The following UNC79 variants were observed in gnomAD, a reference collection of about 807,000 sequenced individuals.
UNC79 encodes unc-79 subunit of NALCN channel complex.
In UNC79, 37 loss-of-function variants were observed where a neutral mutation model predicts 283.1. That is an observed-to-expected ratio of 0.13 (90% CI 0.10 to 0.17). The LOEUF (loss-of-function observed/expected upper bound fraction) is 0.17. Among genes scored for constraint, UNC79 ranks in the 10% least tolerant of loss-of-function variants. The pLI, the probability that UNC79 is intolerant of heterozygous loss-of-function variation, is 1.00. For missense variants in UNC79, 2,272 were observed against 3,211.1 expected, an observed-to-expected ratio of 0.71 and a Z score of 7.07; for synonymous variants, 1,107 against 1,200.2, an observed-to-expected ratio of 0.92 and a Z score of 1.61.
rs2057883751 is a variant in UNC79 at position 93,477,742 on chromosome 14, T to A, written c.619+14T>A. ...CAATGGCTATATGTAAGTCCAATCT[T>A]ACCTAATACTAGATTATTTTTATGT... On this transcript the variant is annotated intron_variant, in intron 4 of 48. Coordinates refer to ENST00000555664, the Ensembl canonical transcript of UNC79. 1.9e-6 allele frequency: 3 copies of A among 1,599,444 alleles called. No individual in the cohort carries two copies. The East Asian group carries it at 6.7e-5, about 36-fold the overall frequency.
intron 7 of UNC79, among the ~76,000 whole-genome samples, chr14:93,506,491 T>C (rs1423707705): frequency 6.6e-6 from 1 of 152,216 alleles, no homozygotes; most frequent in East Asian, 1.9e-4. Flanking sequence ...TTCATGATTT[T>C]CTCATTTTCA....
At chr14:93,592,444 G>T (rs1210155403) in intron 22 of UNC79, among the ~76,000 whole-genome samples, 2 of 152,024 alleles carry the variant, frequency 1.3e-5, no homozygotes, top group African/African-American at 2.4e-5. Flanking sequence ...AAAGTGCTGG[G>T]ATTACAGGCG....
At chr14:93,451,239 T>G (rs2056631176) in intron 1 of UNC79, among the ~76,000 whole-genome samples, 1 of 152,156 alleles carries the variant, frequency 6.6e-6, no homozygotes, top group Non-Finnish European at 1.5e-5. Flanking sequence ...TCCTTCCCTG[T>G]CTACTCATAA....
intron 30 of UNC79, among the ~76,000 whole-genome samples, chr14:93,625,943 G>A (rs2067538518): frequency 6.6e-6 from 1 of 152,118 alleles, no homozygotes; most frequent in Non-Finnish European, 1.5e-5. Context: ...TGAAAACATA[G>A]ATCCAGGATT....
intron 5 of UNC79, among the ~76,000 whole-genome samples, chr14:93,495,485 G>A (rs951486549): frequency 6.6e-6 from 1 of 152,140 alleles, no homozygotes; most frequent in African/African-American, 2.4e-5. Context: ...ATGAGATTTG[G>A]GTGGGGACAC....
At chr14:93,361,211 C>CAAAAAAAAAAAAA (rs58267219) in intron 1 of UNC79, among the ~76,000 whole-genome samples, 2 of 54,378 alleles carry the variant, frequency 3.7e-5, no homozygotes, top group Non-Finnish European at 6.3e-5. Flanking sequence ...GACTCTGTCT[C>CAAAAAAAAAAAAA]AAAAAAAAAA....
chr14:93,617,281 G>T lies in UNC79; in HGVS notation c.4201G>T (p.Ala1401Ser), dbSNP rs763664250. ...TCACATCCGGCAGATGTGGTTGAAG[G>T]CCTTGCTTGTCATCCTTTACAAGGT... Residue 1401 changes from alanine (A) to serine (S), a missense_variant, in exon 28 of 49, where the codon GCC becomes TCC. Physicochemically the swap from Ala to Ser is moderately conservative, Grantham distance 99. Transcript: ENST00000555664. The surrounding 1 kb of genome is among the most constrained non-coding windows in gnomAD (Gnocchi z 4.5). 2.5e-6 allele frequency: 4 copies of T among 1,614,030 alleles called. No homozygotes were observed. In the South Asian group the frequency reaches 3.3e-5, roughly 13 times the overall value.
chr14:93,675,187 C>T (rs2073230164), intron 41 of UNC79, among the ~76,000 whole-genome samples: 1 of 152,334 alleles, frequency 6.6e-6, no homozygotes, highest in East Asian at 1.9e-4. Context: ...TTACTGACCA[C>T]CTATCTTGGG....
chr14:93,479,777 C>T (rs988151441), intron 4 of UNC79, among the ~76,000 whole-genome samples: 9 of 152,056 alleles, frequency 5.9e-5, no homozygotes, highest in African/African-American at 9.7e-5. Flanking sequence ...GTGTGAAGGC[C>T]TCTACCACCA....
intron 1 of UNC79, among the ~76,000 whole-genome samples, chr14:93,346,497 A>C (rs1416261390): frequency 6.6e-6 from 1 of 152,152 alleles, no homozygotes; most frequent in African/African-American, 2.4e-5. Context: ...AAAATAAGAA[A>C]ATTAGCCGTA....
chr14:93,498,922 G>A (rs1015484438), intron 7 of UNC79, among the ~76,000 whole-genome samples: 3 of 152,146 alleles, frequency 2.0e-5, no homozygotes, highest in Non-Finnish European at 2.9e-5. Context: ...TTTTCTCCAA[G>A]TTATTGTAGG....
chr14:93,572,174 GT>G, intron 15 of UNC79, 90 bp downstream of exon 15: 1 of 1,346,166 alleles, frequency 7.4e-7, no homozygotes, highest in Non-Finnish European at 9.9e-7. Context: ...CCTACTAAGC[GT>G]TTTATATAAT....
chr14:93,659,138 A>C (rs1184397115), intron 38 of UNC79, 55 bp from the exon 42 acceptor site: 1 of 1,439,414 alleles, frequency 6.9e-7, no homozygotes, highest in Non-Finnish European at 9.5e-7. Flanking sequence ...TATTTGAAGC[A>C]AAAGTTATAT....
intron 17 of UNC79, among the ~76,000 whole-genome samples, chr14:93,576,963 T>A (rs1387431976): frequency 6.6e-6 from 1 of 151,676 alleles, no homozygotes; most frequent in Non-Finnish European, 1.5e-5. Context: ...CTGGGCCACA[T>A]AATGAGACCT....
At chr14:93,464,884 T>C (rs142793167) in intron 1 of UNC79, among the ~76,000 whole-genome samples, 1 of 152,318 alleles carries the variant, frequency 6.6e-6, no homozygotes, top group Non-Finnish European at 1.5e-5. Flanking sequence ...AATTGAACTG[T>C]AAATGAGTTT....
At chr14:93,609,300 G>A (rs147519510) in intron 26 of UNC79, among the ~76,000 whole-genome samples, 75 of 152,312 alleles carry the variant, frequency 4.9e-4, no homozygotes, top group Admixed American at 2.2e-3. Context: ...TGAGATCCAC[G>A]AGTAGCCCAG....
At chr14:93,658,254 G>A (rs1304647537) in intron 38 of UNC79, among the ~76,000 whole-genome samples, 2 of 152,210 alleles carry the variant, frequency 1.3e-5, no homozygotes, top group Non-Finnish European at 2.9e-5. Context: ...GTTTATAGAA[G>A]CAGATCTCAA....
intron 47 of UNC79, among the ~76,000 whole-genome samples, chr14:93,701,355 A>C (rs2075517132): frequency 6.6e-6 from 1 of 152,214 alleles, no homozygotes; most frequent in Non-Finnish European, 1.5e-5. Flanking sequence ...AGAAAGTTTC[A>C]TCACCAATTT....
chr14:93,686,741 C>A, intron 43 of UNC79, 80 bp downstream of exon 46: 3 of 1,506,650 alleles, frequency 2.0e-6, no homozygotes, highest in Non-Finnish European at 2.7e-6. Flanking sequence ...CCATAGGGAA[C>A]TTATCGCTAC....
Sources: allele counts gnomAD v4.1 joint callset (sites outside exome capture counted in the v4.1 genomes callset), GRCh38; gene constraint gnomAD v4.1.1; non-coding constraint Gnocchi (gnomAD v3.1); transcripts MANE v1.5; gene names NCBI Gene and HGNC (gene_info 2026-07-23, HGNC 2026-07-21).